The following OR2G6 variants were observed in gnomAD, a reference collection of about 807,000 sequenced individuals.
OR2G6 encodes olfactory receptor 2G6.
For missense variants in OR2G6, 457 were observed against 391.3 expected (o/e 1.17, Z -1.42); for synonymous variants, 183 against 155.2 (o/e 1.18, Z -1.33).
In OR2G6 at chr1:248,523,726, C is replaced by T. The variant is rs886462533; in HGVS notation, c.*1129C>T. On this transcript the variant is annotated 3_prime_UTR_variant, in exon 2 of 2. Transcript: ENST00000641804. ...TGTGTCTCAGCCTCTTTCTTGCTTTCTTTTCCCAAAACGATTGAACTTCAT... is the reference window on the plus strand; with the variant it reads ...TGTGTCTCAGCCTCTTTCTTGCTTTTTTTTCCCAAAACGATTGAACTTCAT... 7 of 152,088 alleles carry T rather than the reference C, an allele frequency of 4.6e-5. No homozygotes were observed. Among genetic ancestry groups the T allele is most frequent in the African/African-American group, 1.7e-4 (7 of 41,384 alleles). 9.4% of individuals were successfully genotyped at this position (152,088 alleles called of 1,614,324 possible).
intron 1 of OR2G6, among the ~76,000 whole-genome samples, chr1:248,520,294 G>A (rs1449431060): frequency 6.6e-6 from 1 of 152,144 alleles, no homozygotes; most frequent in African/African-American, 2.4e-5. Flanking sequence ...GGGCTAGGAA[G>A]GAGGGATAGC....
At chr1:248,521,486 G>T in intron 1 of OR2G6, 125 bp from the exon 2 acceptor site, 1 of 547,954 alleles carries the variant, frequency 1.8e-6, no homozygotes, top group Non-Finnish European at 3.2e-6. Context: ...TTATGTTGAG[G>T]AAAGTTCTAT....
chr1:248,522,468 TTC>T lies in OR2G6; in HGVS notation c.826_827del (p.Leu276PhefsTer32), dbSNP rs752821938. The T allele has an allele frequency of 1.9e-6, 3 of 1,614,084 alleles. No individual in the cohort carries two copies. Among genetic ancestry groups the T allele is most frequent in the African/African-American group, 1.3e-5 (1 of 75,012 alleles). On this transcript the variant is annotated frameshift_variant, in exon 2 of 2. Coordinates refer to ENST00000641804, the MANE Select transcript of OR2G6 (RefSeq NM_001013355.2). LOFTEE classifies it low-confidence loss of function (END_TRUNC). ...GATCCAAAAACCAGGGAAAGTTTGT[TTC>T]TCTTTTCTATACCATAGTCACCCCA... ...RRSKNQGKFV[S>X]LFYTIVTPLL...
At position 248,526,028 on chromosome 1, in the gene OR2G6, G is replaced by T. The variant is rs1055700950; in HGVS notation, c.*3431G>T. The T allele has an allele frequency of 7.3e-6, 1 of 137,278 alleles. No homozygotes were observed. Among genetic ancestry groups the T allele is most frequent in the Non-Finnish European group, 1.6e-5 (1 of 61,684 alleles). The allele number at this position is 137,278 out of a possible 1,614,324, so 8.5% of individuals were successfully genotyped here. On this transcript the variant is annotated 3_prime_UTR_variant, in exon 2 of 2. Transcript: ENST00000641804. ...GCAAGACTCCATCTCAAAAAAAAAA[G>T]AAAAAAATGTATATGTTATCACTTT... is the stretch of plus-strand genomic sequence containing the variant.
rs780481354 is a variant in OR2G6, at chr1:248,524,679, A to T, written c.*2082A>T. On this transcript the variant is annotated 3_prime_UTR_variant, in exon 2 of 2. Transcript: ENST00000641804. ...GAACACAATATGTAGAAAAACCTAC[A>T]TATGAATTGTGAAGCAACCATTTTC... 1.4e-4 allele frequency: 21 copies of T among 152,242 alleles called. No individual in the cohort carries two copies. Among genetic ancestry groups the T allele is most frequent in the Non-Finnish European group, 2.4e-4 (16 of 68,044 alleles). The allele number at this position is 152,242 out of a possible 1,614,324, so 9.4% of individuals were successfully genotyped here.
intron 1 of OR2G6, among the ~76,000 whole-genome samples, chr1:248,520,579 GATTTGTATAGAGGTCGGGCA>G (rs1664262372): frequency 6.6e-6 from 1 of 152,094 alleles, no homozygotes; most frequent in South Asian, 2.1e-4. Flanking sequence ...TATTAGTCAA[GATTTGTATAGAGGTCGGGCA>G]CAGTGACTCA....
chr1:248,522,805 T>C lies in OR2G6; in HGVS notation c.*208T>C, dbSNP rs202058306. 3,570 of 529,234 alleles carry C rather than the reference T, an allele frequency of 6.7e-3. 114 individuals are homozygous for C. Among genetic ancestry groups the C allele is most frequent in the African/African-American group, 0.06 (3,069 of 51,338 alleles). The allele number at this position is 529,234 out of a possible 1,614,324, so 32.8% of individuals were successfully genotyped here. ...CCAAAGCCACAGGGACTAGGAAGCATTGGAATTCTAAAGAAGAGAAACACA... is the reference window on the plus strand; with the variant it reads ...CCAAAGCCACAGGGACTAGGAAGCACTGGAATTCTAAAGAAGAGAAACACA... On this transcript the variant is annotated 3_prime_UTR_variant, in exon 2 of 2. Transcript: ENST00000641804.
chr1:248,522,196 C>T lies in OR2G6; in HGVS notation c.550C>T (p.Leu184Phe). ...TCATATTTTCTGTGAGGTGCCAGTG[C>T]TCATCAAACTGGCCTGTGTGGATAC... ...LDHIFCEVPVLIKLACVDTTF... is the reference protein window; with the variant it reads ...LDHIFCEVPVFIKLACVDTTF... Residue 184 changes from leucine (L) to phenylalanine (F), a missense_variant, in exon 2 of 2, where the codon CTC (leucine) becomes TTC (phenylalanine). Leu to Phe is a conservative substitution (Grantham distance 22). Transcript: ENST00000641804. 6.2e-7 allele frequency: 1 copy of T among 1,614,158 alleles called. No individual in the cohort carries two copies. Among genetic ancestry groups the T allele is most frequent in the Non-Finnish European group, 8.5e-7 (1 of 1,180,022 alleles).
rs148515867 is a variant in OR2G6 at position 248,526,459 on chromosome 1, C to T, written c.*3862C>T. 2.0e-3 allele frequency: 309 copies of T among 152,286 alleles called. 4 individuals carry two copies. In the Middle Eastern group the frequency reaches 0.024, roughly 12 times the overall value. 9.4% of individuals were successfully genotyped at this position (152,286 alleles called of 1,614,324 possible). ...TTGAATTTATCAATTGCTGGAAGCT[C>T]ATGTGAACTAACTTGACAAATAAAA... On this transcript the variant is annotated 3_prime_UTR_variant, in exon 2 of 2. Transcript: ENST00000641804.
In OR2G6 at chr1:248,524,300, T is replaced by G. The variant is rs1226839268; in HGVS notation, c.*1703T>G. ...CTTTTAGCAAACAAAATGATGAATA[T>G]CCAATTTAACAAAAACGAGGGAAAA... On this transcript the variant is annotated 3_prime_UTR_variant, in exon 2 of 2. Transcript: ENST00000641804. 1 of 152,176 alleles carries G rather than the reference T, an allele frequency of 6.6e-6. No individual in the cohort carries two copies. The highest frequency in any genetic ancestry group is 1.5e-5 in the Non-Finnish European group (1 of 68,018). 9.4% of individuals were successfully genotyped at this position (152,176 alleles called of 1,614,324 possible).
chr1:248,522,151 T>G lies in OR2G6; in HGVS notation c.505T>G (p.Cys169Gly). 1 of 1,614,136 alleles carries G rather than the reference T, an allele frequency of 6.2e-7. No homozygotes were observed. Among genetic ancestry groups the G allele is most frequent in the Non-Finnish European group, 8.5e-7 (1 of 1,180,008 alleles). Residue 169 changes from cysteine to glycine, a missense_variant, in exon 2 of 2, where the codon TGT becomes GGT. Transcript: ENST00000641804. ...QCSLTVQLPL[C>G]GHRTLDHIFC... Reference sequence around the variant, plus strand: ...CTCCCTCACTGTGCAGCTGCCCCTCTGTGGTCATCGCACACTGGATCATAT... The same window carrying G: ...CTCCCTCACTGTGCAGCTGCCCCTCGGTGGTCATCGCACACTGGATCATAT...
intron 1 of OR2G6, among the ~76,000 whole-genome samples, chr1:248,520,495 C>T (rs1050907164): frequency 6.6e-6 from 1 of 152,142 alleles, no homozygotes; most frequent in Non-Finnish European, 1.5e-5. Flanking sequence ...CATGTACACA[C>T]ATTTCATTTT....
chr1:248,520,533 G>A (rs762017652), intron 1 of OR2G6, among the ~76,000 whole-genome samples: 4 of 152,066 alleles, frequency 2.6e-5, no homozygotes, highest in African/African-American at 9.7e-5. Context: ...TTTTGACTTG[G>A]CATTTGACAA....
chr1:248,522,632 C>G lies in OR2G6; in HGVS notation c.*35C>G, dbSNP rs1162950269. On this transcript the variant is annotated 3_prime_UTR_variant, in exon 2 of 2. Transcript: ENST00000641804. Reference sequence around the variant, plus strand: ...GGAATTCTAAACAAGGGAAACACCTCAAGGCAGAGTGAGGGTTCATCCTCC... The same window carrying G: ...GGAATTCTAAACAAGGGAAACACCTGAAGGCAGAGTGAGGGTTCATCCTCC... 1 of 1,423,676 alleles carries G rather than the reference C, an allele frequency of 7.0e-7. No individual in the cohort carries two copies. The highest frequency in any genetic ancestry group is 1.4e-5 in the African/African-American group (1 of 70,314). The allele number at this position is 1,423,676 out of a possible 1,614,324, so 88.2% of individuals were successfully genotyped here.
intron 1 of OR2G6, among the ~76,000 whole-genome samples, chr1:248,508,773 C>T (rs1414682808): frequency 3.5e-5 from 1 of 28,972 alleles, no homozygotes; most frequent in Non-Finnish European, 5.3e-5. Flanking sequence ...AAAGAGCAGT[C>T]TTTGGCAAAC....
At position 248,522,017 on chromosome 1, in the gene OR2G6, C is replaced by T. The variant is rs1294125265; in HGVS notation, c.371C>T (p.Ala124Val). 1.2e-5 allele frequency: 19 copies of T among 1,614,096 alleles called. No individual in the cohort carries two copies. The Admixed American group carries it at 3.0e-4, about 25-fold the overall frequency. ...GCCGTCATGGCTTATGACCGCTATG[C>T]TGCTGTCTGCCGGCCACTGCGCTAC... ...LLAVMAYDRY[A>V]AVCRPLRYIA... The change falls in exon 2 of 2, where the codon GCT (alanine) becomes GTT (valine). Residue 124 changes from alanine to valine, a missense_variant. Physicochemically the swap from Ala to Val is moderately conservative, Grantham distance 64 (BLOSUM62 0). Transcript: ENST00000641804.
Position 248,522,791 on chromosome 1 carries a change from G to A in OR2G6, c.*194G>A. Reference sequence around the variant, plus strand: ...TCCTCTTGTCAATCCCAAAGCCACAGGGACTAGGAAGCATTGGAATTCTAA... The same window carrying A: ...TCCTCTTGTCAATCCCAAAGCCACAAGGACTAGGAAGCATTGGAATTCTAA... On this transcript the variant is annotated 3_prime_UTR_variant, in exon 2 of 2. Transcript: ENST00000641804. 1 of 557,698 alleles carries A rather than the reference G, an allele frequency of 1.8e-6. No homozygotes were observed. Among genetic ancestry groups the A allele is most frequent in the East Asian group, 2.9e-5 (1 of 34,860 alleles). The allele number at this position is 557,698 out of a possible 1,614,324, so 34.5% of individuals were successfully genotyped here. A position where few individuals can be genotyped will look rare whatever the true frequency, so the allele number is the denominator to read the frequency against.
chr1:248,521,122 C>CT, intron 1 of OR2G6, among the ~76,000 whole-genome samples: 1 of 150,012 alleles, frequency 6.7e-6, no homozygotes, highest in Non-Finnish European at 1.5e-5. Context: ...ACTCTTGAGG[C>CT]TGAGGCAAGA....
intron 1 of OR2G6, among the ~76,000 whole-genome samples, chr1:248,520,856 ATATATATATATAT>A (rs1421730777): frequency 1.1e-5 from 1 of 89,204 alleles, no homozygotes; most frequent in African/African-American, 5.3e-5. Flanking sequence ...CTAAAAAAAA[ATATATATATATAT>A]AAAAATATAT....
Sources: gnomAD v4.1 joint callset for allele counts (sites outside exome capture counted in the v4.1 genomes callset) on GRCh38, gnomAD v4.1.1 for gene constraint, MANE v1.5 for transcripts, NCBI Gene and HGNC (gene_info 2026-07-23, HGNC 2026-07-21) for gene names.